Variants in RBFOX1 observed in about 807,000 individuals in gnomAD.
RBFOX1 encodes RNA binding fox-1 homolog 1, also known as RNA binding protein fox-1 homolog 1.
In RBFOX1, 8 loss-of-function variants were observed where a neutral mutation model predicts 57.7. The ratio of observed to expected loss-of-function variants is 0.14; its 90% CI spans 0.08 to 0.25. The LOEUF is 0.25. Ranked by LOEUF, RBFOX1 falls within the 10% of genes least tolerant of loss-of-function variation. The pLI is 1.00. For synonymous variants in RBFOX1, 326 were observed against 222.4 expected (o/e 1.47, Z -4.15); for missense variants, 611 against 548.5 (o/e 1.11, Z -1.14).
chr16:5,829,473 T>C (rs947142391), intron 3 of RBFOX1, among the ~76,000 whole-genome samples: 7 of 151,938 alleles, frequency 4.6e-5, no homozygotes. Flanking sequence ...TGGCATGAAG[T>C]GTCATTTGGG....
chr16:7,415,854 G>C (rs2098472970), intron 4 of RBFOX1, among the ~76,000 whole-genome samples: 1 of 152,048 alleles, frequency 6.6e-6, no homozygotes, highest in Non-Finnish European at 1.5e-5. Flanking sequence ...TCCTCTCCCG[G>C]GAAGATGGAA....
intron 1 of RBFOX1, among the ~76,000 whole-genome samples, chr16:6,129,025 C>A (rs2096610549): frequency 6.6e-6 from 1 of 152,190 alleles, no homozygotes; most frequent in African/African-American, 2.4e-5. Flanking sequence ...TAACCACTTG[C>A]ATGAACAAAA....
chr16:6,045,486 G>A (rs1023482427), intron 1 of RBFOX1, among the ~76,000 whole-genome samples: 2 of 152,190 alleles, frequency 1.3e-5, no homozygotes, highest in African/African-American at 4.8e-5. Context: ...CCACATTAAT[G>A]ATGAGTCTGT....
In RBFOX1 at chr16:7,310,192, G is replaced by A. The variant is rs188645935; in HGVS notation, c.28-207955G>A. Among the ~76,000 whole-genome samples the A allele has an allele frequency of 4.6e-3, 699 of 152,288 alleles. 2 individuals carry two copies. Among genetic ancestry groups the A allele is most frequent in the African/African-American group, 0.016 (655 of 41,556 alleles). Reference sequence around the variant, plus strand: ...CAAATGAGCAATGGACCCGCAGGCCGCCTCTGCTGGGAGACAGAGCTGGCC... The same window carrying A: ...CAAATGAGCAATGGACCCGCAGGCCACCTCTGCTGGGAGACAGAGCTGGCC... On this transcript the variant is annotated intron_variant, in intron 4 of 15. Coordinates refer to ENST00000550418, the MANE Select transcript of RBFOX1 (RefSeq NM_018723.4).
intron 1 of RBFOX1, among the ~76,000 whole-genome samples, chr16:5,282,828 T>C (rs1352017399): frequency 1.3e-5 from 2 of 152,226 alleles, no homozygotes; most frequent in African/African-American, 2.4e-5. Context: ...TCCCATTTTC[T>C]CAAGAAAAAT....
chr16:6,270,727 A>T (rs7193073), intron 1 of RBFOX1, among the ~76,000 whole-genome samples: 147,718 of 152,284 alleles, frequency 0.97, 71,832 homozygotes, highest in East Asian at 1. Context: ...ATCAACGAGG[A>T]CTAATCAACA....
intron 1 of RBFOX1, among the ~76,000 whole-genome samples, chr16:6,265,172 T>C (rs2074317379): frequency 6.6e-6 from 1 of 152,208 alleles, no homozygotes; most frequent in Non-Finnish European, 1.5e-5. Context: ...AGGAACATTA[T>C]GCTCTTCGCA....
intron 2 of RBFOX1, among the ~76,000 whole-genome samples, chr16:6,424,682 C>G (rs532428147): frequency 2.0e-5 from 3 of 151,556 alleles, no homozygotes; most frequent in African/African-American, 7.3e-5. Context: ...AGGATGTTCA[C>G]TGCAGCATTG....
At chr16:6,749,107 C>G (rs776356166) in intron 3 of RBFOX1, 8 of 152,072 alleles carry the variant, frequency 5.3e-5, no homozygotes, top group Non-Finnish European at 1.0e-4. Context: ...TATTGGAAAC[C>G]AACATTCACT....
chr16:7,633,556 G>A lies in RBFOX1; in HGVS notation c.757+2873G>A, dbSNP rs185278371. Among the ~76,000 whole-genome samples, 267 of 152,122 alleles carry A rather than the reference G, an allele frequency of 1.8e-3. 1 individual carries two copies. The highest frequency in any genetic ancestry group is 6.3e-3 in the African/African-American group (260 of 41,488). On this transcript the variant is annotated intron_variant, in intron 11 of 15. Transcript: ENST00000550418. ...AAAATAAACACCCTTCAATAGAGCA[G>A]TTTTAAAGAAAATAGCTAATTTTAC...
intron 4 of RBFOX1, among the ~76,000 whole-genome samples, chr16:5,993,677 G>T (rs917884615): frequency 2.0e-5 from 3 of 152,136 alleles, no homozygotes; most frequent in African/African-American, 7.2e-5. Context: ...CCATTTAGCT[G>T]CAGTGAGTTG....
chr16:6,771,402 G>A (rs562606955), intron 3 of RBFOX1, among the ~76,000 whole-genome samples: 37 of 152,232 alleles, frequency 2.4e-4, no homozygotes, highest in African/African-American at 8.4e-4. Flanking sequence ...TAAGTCAGCA[G>A]CCCTGGCAAG....
At chr16:6,351,758 C>T (rs1392552490) in intron 2 of RBFOX1, among the ~76,000 whole-genome samples, 1 of 152,068 alleles carries the variant, frequency 6.6e-6, no homozygotes, top group Non-Finnish European at 1.5e-5. Context: ...GAATTGTATT[C>T]TCATATATTA....
chr16:6,365,534 G>C (rs1047015666), intron 2 of RBFOX1, among the ~76,000 whole-genome samples: 1 of 152,174 alleles, frequency 6.6e-6, no homozygotes, highest in East Asian at 1.9e-4. Flanking sequence ...ATTCTTAATA[G>C]GTACATCTTA....
intron 14 of RBFOX1, among the ~76,000 whole-genome samples, chr16:7,690,844 A>G (rs2077160766): frequency 6.6e-6 from 1 of 152,154 alleles, no homozygotes; most frequent in Admixed American, 6.5e-5. Context: ...ATAAAATGGC[A>G]TAACATGGTG....
At chr16:7,031,913 G>T (rs1007550917) in intron 3 of RBFOX1, among the ~76,000 whole-genome samples, 2 of 152,140 alleles carry the variant, frequency 1.3e-5, no homozygotes, top group East Asian at 1.9e-4. Context: ...GTATAATTAC[G>T]GAGGCCCTGC....
At chr16:6,277,704 C>G (rs1201067514) in intron 1 of RBFOX1, among the ~76,000 whole-genome samples, 1 of 151,292 alleles carries the variant, frequency 6.6e-6, no homozygotes, top group Non-Finnish European at 1.5e-5. Flanking sequence ...TTTCCAAATC[C>G]GTGCTGACTC....
rs1387559855 is a variant in RBFOX1, at chr16:6,458,335, G to C, written c.-64+141278G>C. 3.9e-5 allele frequency among the ~76,000 whole-genome samples: 6 copies of C among 152,078 alleles called. No individual in the cohort carries two copies. The East Asian group carries it at 1.2e-3, about 29-fold the overall frequency. ...AGTCTGGCTGTACTATTTACTATTG[G>C]TTTCACCTTGGAAAAGACACTTAAT... On this transcript the variant is annotated intron_variant, in intron 2 of 15. Transcript: ENST00000550418.
At chr16:5,272,420 A>G (rs2063035299) in intron 1 of RBFOX1, among the ~76,000 whole-genome samples, 1 of 152,234 alleles carries the variant, frequency 6.6e-6, no homozygotes. Flanking sequence ...TGGAACATGC[A>G]CCAAGGCTGT....
Sources: gnomAD v4.1 joint callset for allele counts (sites outside exome capture counted in the v4.1 genomes callset) on GRCh38, gnomAD v4.1.1 for gene constraint, MANE v1.5 for transcripts, NCBI Gene and HGNC (gene_info 2026-07-23, HGNC 2026-07-21) for gene names.